PPP2R3A: variants seen among roughly 807,000 people sequenced by gnomAD.
PPP2R3A encodes the protein serine/threonine-protein phosphatase 2A regulatory subunit B'' subunit alpha.
Under a neutral mutation model 106.9 loss-of-function variants are expected in PPP2R3A, and 80 were observed. The ratio of observed to expected loss-of-function variants is 0.75; its 90% CI spans 0.62 to 0.90. PPP2R3A has a LOEUF of 0.90. Among genes scored for constraint, PPP2R3A ranks in the 40% least tolerant of loss-of-function variants. PPP2R3A has a pLI of 0.00. For synonymous variants in PPP2R3A, 483 were observed against 468.3 expected (o/e 1.03, Z -0.41); for missense variants, 1,386 against 1,350.4 (o/e 1.03, Z -0.41).
At chr3:136,057,794 A>T (rs1935924861) in intron 5 of PPP2R3A, among the ~76,000 whole-genome samples, 1 of 152,198 alleles carries the variant, frequency 6.6e-6, no homozygotes, top group African/African-American at 2.4e-5. Context: ...AAGACGAAAG[A>T]TAACAAGTGT....
intron 13 of PPP2R3A, among the ~76,000 whole-genome samples, chr3:136,130,575 C>T (rs1938373659): frequency 6.6e-6 from 1 of 152,116 alleles, no homozygotes; most frequent in African/African-American, 2.4e-5. Context: ...ATGAAAATGG[C>T]CATACTGCCC....
At chr3:135,975,351 A>G (rs963456654) in intron 1 of PPP2R3A, among the ~76,000 whole-genome samples, 1 of 152,174 alleles carries the variant, frequency 6.6e-6, no homozygotes, top group Non-Finnish European at 1.5e-5. Context: ...AGTGTTTCTC[A>G]GCCTTTGTCT....
chr3:136,020,722 C>T (rs1934436325), intron 2 of PPP2R3A, among the ~76,000 whole-genome samples: 1 of 152,158 alleles, frequency 6.6e-6, no homozygotes, highest in Non-Finnish European at 1.5e-5. Flanking sequence ...AGTAAACACA[C>T]AACCCAACTA....
intron 3 of PPP2R3A, 50 bp downstream of exon 3, chr3:136,027,148 G>A (rs755345014): frequency 1.3e-6 from 2 of 1,509,906 alleles, no homozygotes; most frequent in Non-Finnish European, 1.8e-6. Context: ...TAGAAACCCT[G>A]ATCCCCTCCC....
At chr3:136,140,729 C>T (rs886580605) in intron 13 of PPP2R3A, among the ~76,000 whole-genome samples, 1 of 139,830 alleles carries the variant, frequency 7.2e-6, no homozygotes, top group African/African-American at 2.7e-5. Context: ...GCCTGGGCAA[C>T]AAGAACAAAA....
intron 8 of PPP2R3A, among the ~76,000 whole-genome samples, chr3:136,084,725 A>ATGG (rs1936877702): frequency 6.6e-6 from 1 of 152,284 alleles, no homozygotes; most frequent in Admixed American, 6.5e-5. Context: ...AGGCCATGGG[A>ATGG]ACCTGCCTCT....
rs763116320 is a variant in PPP2R3A at position 136,117,301 on chromosome 3, G to A, written c.3329+10979G>A. 7.5e-4 allele frequency among the ~76,000 whole-genome samples: 114 copies of A among 152,054 alleles called. 2 individuals are homozygous for A. The highest frequency in any genetic ancestry group is 8.2e-4 in the Non-Finnish European group (56 of 68,020). ...GAGAAAGCAGGAAAGATCCAAAATC[G>A]ACACCCTAACATCACAATTAAAAGA... On this transcript the variant is annotated intron_variant, in intron 13 of 13. Transcript: ENST00000264977.
intron 4 of PPP2R3A, among the ~76,000 whole-genome samples, chr3:136,048,397 G>A (rs1935548843): frequency 6.6e-6 from 1 of 152,186 alleles, no homozygotes; most frequent in South Asian, 2.1e-4. Flanking sequence ...TTTAGGCCAG[G>A]CGCCGTGGCT....
At chr3:136,023,583 TGCAC>T (rs1934540763) in intron 2 of PPP2R3A, among the ~76,000 whole-genome samples, 1 of 152,300 alleles carries the variant, frequency 6.6e-6, no homozygotes, top group South Asian at 2.1e-4. Flanking sequence ...AAGCCTTGTT[TGCAC>T]TTTGAATCAA....
At chr3:136,135,496 T>C (rs193125476) in intron 13 of PPP2R3A, among the ~76,000 whole-genome samples, 2 of 152,240 alleles carry the variant, frequency 1.3e-5, no homozygotes, top group Admixed American at 1.3e-4. Flanking sequence ...GAGAGTCTAA[T>C]TGTCAAACAG....
At chr3:136,032,161 T>C (rs771827208) in intron 3 of PPP2R3A, among the ~76,000 whole-genome samples, 1 of 152,218 alleles carries the variant, frequency 6.6e-6, no homozygotes, top group Non-Finnish European at 1.5e-5. Context: ...TGGGATGTGT[T>C]TCCATTTGTT....
At chr3:136,140,241 T>TC (rs1938803168) in intron 13 of PPP2R3A, among the ~76,000 whole-genome samples, 1 of 152,006 alleles carries the variant, frequency 6.6e-6, no homozygotes, top group South Asian at 2.1e-4. Flanking sequence ...CTCCACGTTC[T>TC]CAAGAATTCC....
chr3:135,976,297 A>G (rs145570123), intron 1 of PPP2R3A, among the ~76,000 whole-genome samples: 7 of 152,316 alleles, frequency 4.6e-5, no homozygotes, highest in Non-Finnish European at 1.0e-4. Flanking sequence ...TCATCCCTTC[A>G]TGTGTCTTAT....
At chr3:136,103,538 A>C (rs2107969021) in intron 12 of PPP2R3A, among the ~76,000 whole-genome samples, 162 bp downstream of exon 12, 1 of 152,312 alleles carries the variant, frequency 6.6e-6, no homozygotes, top group East Asian at 1.9e-4. Context: ...TCTAGAGCAC[A>C]TGTCTCTCCA....
At chr3:136,026,704 T>A (rs1242722554) in intron 2 of PPP2R3A, 128 bp from the exon 3 acceptor site, 2 of 797,324 alleles carry the variant, frequency 2.5e-6, no homozygotes, top group African/African-American at 1.7e-5. Context: ...GCTTACCACC[T>A]TTAAGAGTAC....
At chr3:136,069,614 C>A (rs1576478373) in intron 5 of PPP2R3A, among the ~76,000 whole-genome samples, 1 of 151,926 alleles carries the variant, frequency 6.6e-6, no homozygotes, top group East Asian at 1.9e-4. Flanking sequence ...TAATAATAAG[C>A]CTAAAAAAAG....
In PPP2R3A at chr3:136,115,747, G is replaced by GA. The variant is rs538932445; in HGVS notation, c.3329+9429dup. ...GTCTCCAAGAAATATGGGACTATGTGAAAAGACCAGATCTACGTTTGATTG... is the reference window on the plus strand; with the variant it reads ...GTCTCCAAGAAATATGGGACTATGTGAAAAAGACCAGATCTACGTTTGATTG... On this transcript the variant is annotated intron_variant, in intron 13 of 13. Transcript: ENST00000264977. Among the ~76,000 whole-genome samples, 11 of 152,144 alleles carry GA rather than the reference G, an allele frequency of 7.2e-5. No homozygotes were observed. In the South Asian group the frequency reaches 2.3e-3, roughly 32 times the overall value.
intron 10 of PPP2R3A, among the ~76,000 whole-genome samples, chr3:136,100,441 T>C (rs939344699): frequency 6.6e-6 from 1 of 151,386 alleles, no homozygotes; most frequent in Non-Finnish European, 1.5e-5. Context: ...TTGGGAGGCC[T>C]AGGCGGGCAG....
chr3:136,055,908 T>C lies in PPP2R3A; in HGVS notation c.2469+6547T>C, dbSNP rs558532099. 2.2e-4 allele frequency: 86 copies of C among 383,382 alleles called. 1 individual carries two copies. In the South Asian group the frequency reaches 4.4e-3, roughly 20 times the overall value. 23.7% of individuals were successfully genotyped at this position (383,382 alleles called of 1,614,324 possible). ...ATCACCATTCCTTAAGAGTAGGCTA[T>C]GCATAGTGATTTCAGGGTGTGGGGA... On this transcript the variant is annotated intron_variant, in intron 5 of 13. Coordinates refer to ENST00000264977, the MANE Select transcript of PPP2R3A (RefSeq NM_002718.5).
Sources: gnomAD v4.1 joint callset for allele counts (sites outside exome capture counted in the v4.1 genomes callset) on GRCh38, gnomAD v4.1.1 for gene constraint, MANE v1.5 for transcripts, NCBI Gene and HGNC (gene_info 2026-07-23, HGNC 2026-07-21) for gene names.